Variants in KIF1A observed in about 807,000 individuals in gnomAD.
The protein encoded by KIF1A is kinesin-like protein KIF1A.
A neutral mutation model predicts 227.3 loss-of-function variants in KIF1A; 46 were observed. That is an observed-to-expected ratio of 0.20 (90% CI 0.16 to 0.26). The LOEUF (loss-of-function observed/expected upper bound fraction) is 0.26. Ranked by LOEUF, KIF1A falls within the 10% of genes least tolerant of loss-of-function variation. The pLI, the probability that KIF1A is intolerant of heterozygous loss-of-function variation, is 1.00. For synonymous variants in KIF1A, 1,022 were observed against 1,012.8 expected (o/e 1.01, Z -0.17); for missense variants, 1,683 against 2,485.9 (o/e 0.68, Z 6.87).
rs2055880472 is a variant in KIF1A at position 240,792,792 on chromosome 2, C to A, written c.107-3480G>T. Among the ~76,000 whole-genome samples, 1 of 152,146 alleles carries A rather than the reference C, an allele frequency of 6.6e-6. No homozygotes were observed. The highest frequency in any genetic ancestry group is 6.5e-5 in the Admixed American group (1 of 15,286). ...GAGACGAAGCCACGAAGTCAGGGAC[C>A]TCATGGTGGGATGAGTGGCTTTAAA... On this transcript the variant is annotated intron_variant, in intron 2 of 48. Transcript: ENST00000498729. The surrounding 1 kb of genome is among the most constrained non-coding windows in gnomAD (Gnocchi z 4.5).
rs1246878353 is a variant in KIF1A, at chr2:240,788,246, G to A, written c.184-16C>T. The A allele has an allele frequency of 1.2e-6, 2 of 1,612,854 alleles. No homozygotes were observed. Among genetic ancestry groups the A allele is most frequent in the South Asian group, 1.1e-5 (1 of 90,844 alleles). Reference sequence around the variant, plus strand: ...TGTCCTCAGGCTGGAGGACGAGGAAGGAATGAAGTTGCAGGAGGCTGGGTG... The same window carrying A: ...TGTCCTCAGGCTGGAGGACGAGGAAAGAATGAAGTTGCAGGAGGCTGGGTG... On this transcript the variant is annotated splice_polypyrimidine_tract_variant and intron_variant, in intron 3 of 48. Transcript: ENST00000498729. The surrounding 1 kb of genome is among the most constrained non-coding windows in gnomAD (Gnocchi z 6.6).
At chr2:240,746,645 C>T (rs1413663257) in intron 29 of KIF1A, among the ~76,000 whole-genome samples, 1 of 152,180 alleles carries the variant, frequency 6.6e-6, no homozygotes, top group Non-Finnish European at 1.5e-5. Context: ...GCCAGGTGGG[C>T]AGGGGTGAGA....
At chr2:240,765,833 G>A in intron 19 of KIF1A, 40 bp from the exon 20 acceptor site, 2 of 1,504,320 alleles carry the variant, frequency 1.3e-6, no homozygotes, top group Non-Finnish European at 1.8e-6. Flanking sequence ...AGGACTATGA[G>A]GGGCTGTCAC....
chr2:240,810,188 G>A (rs754929779), intron 1 of KIF1A, among the ~76,000 whole-genome samples: 1 of 152,010 alleles, frequency 6.6e-6, no homozygotes, highest in African/African-American at 2.4e-5. Flanking sequence ...AAACGGTGAC[G>A]AGAACCCCAC....
At chr2:240,779,386 AGTTCCACACTCAGTTCCTCATC>A (rs2053263633) in intron 10 of KIF1A, among the ~76,000 whole-genome samples, 1 of 143,940 alleles carries the variant, frequency 6.9e-6, no homozygotes, top group Non-Finnish European at 1.5e-5. Flanking sequence ...AGTTCCTCAT[AGTTCCACACTCAGTTCCTCATC>A]GTTCCACACT....
At chr2:240,760,007 C>A (rs1575585860) in intron 25 of KIF1A, among the ~76,000 whole-genome samples, 1 of 151,288 alleles carries the variant, frequency 6.6e-6, no homozygotes, top group South Asian at 2.1e-4. Flanking sequence ...CAGAGCAAGG[C>A]CCTGTCTCTT....
intron 14 of KIF1A, among the ~76,000 whole-genome samples, chr2:240,772,111 G>A (rs1395868846): frequency 6.6e-6 from 1 of 152,216 alleles, no homozygotes; most frequent in Non-Finnish European, 1.5e-5. Flanking sequence ...GAGGGCCTGG[G>A]CGTGGGGGGT....
chr2:240,781,733 C>T (rs1246587327), intron 10 of KIF1A: 1 of 974,512 alleles, frequency 1.0e-6, no homozygotes, highest in Non-Finnish European at 1.2e-6. Flanking sequence ...CTTCCTCTCC[C>T]GTTCCCACAC....
chr2:240,780,760 C>CACAGCTCCACACACACACACA (rs1559522279), intron 10 of KIF1A, among the ~76,000 whole-genome samples: 7 of 138,126 alleles, frequency 5.1e-5, no homozygotes, highest in African/African-American at 2.0e-4. Flanking sequence ...TGCAGGCTCC[C>CACAGCTCCACACACACACACA]CACACAGCTC....
At chr2:240,818,391 G>A (rs1003189390) in intron 1 of KIF1A, among the ~76,000 whole-genome samples, 1 of 152,268 alleles carries the variant, frequency 6.6e-6, no homozygotes, top group African/African-American at 2.4e-5. Context: ...CCGGTCCAGA[G>A]GGTTCCTGGG....
chr2:240,786,398 G>C lies in KIF1A; in HGVS notation c.545C>G (p.Ser182Cys). Residue 182 changes from serine to cysteine, a missense_variant, in exon 6 of 49, where the codon TCC (serine) becomes TGC (cysteine). By Grantham distance (112) the Ser-to-Cys change is moderately radical. This residue lies in a region of KIF1A where 75 missense variants were observed against 131.2 expected (regional missense o/e 0.57). Coordinates refer to ENST00000498729, the MANE Select transcript of KIF1A (RefSeq NM_001244008.2). Reference protein sequence around the residue: ...PLLGPYVEDLSKLAVTSYNDI... With the variant: ...PLLGPYVEDLCKLAVTSYNDI... ...ATTGTAGGAGGTGACAGCCAGCTTG[G>C]AGAGGTCCTCCACGTAGGGCCCCAG... 6.2e-7 allele frequency: 1 copy of C among 1,613,694 alleles called. No homozygotes were observed. The highest frequency in any genetic ancestry group is 8.5e-7 in the Non-Finnish European group (1 of 1,179,782).
chr2:240,758,282 C>T lies in KIF1A; in HGVS notation c.2582+78G>A, dbSNP rs895111559. ...TGTCAGGGCCGCTCCTTGTATCAGG[C>T]CAGGGCCCACTCCTACCCCCACTGC... On this transcript the variant is annotated intron_variant, in intron 26 of 48. Transcript: ENST00000498729. The surrounding 1 kb of genome is among the most constrained non-coding windows in gnomAD (Gnocchi z 5.2). 1.5e-5 allele frequency: 22 copies of T among 1,504,664 alleles called. No individual in the cohort carries two copies. In the African/African-American group the frequency reaches 2.9e-4, roughly 20 times the overall value. 93.2% of individuals were successfully genotyped at this position (1,504,664 alleles called of 1,614,324 possible).
chr2:240,788,680 G>A lies in KIF1A; in HGVS notation c.184-450C>T, dbSNP rs183651079. Among the ~76,000 whole-genome samples, 43 of 152,204 alleles carry A rather than the reference G, an allele frequency of 2.8e-4. No homozygotes were observed. Among genetic ancestry groups the A allele is most frequent in the Non-Finnish European group, 6.0e-4 (41 of 68,002 alleles). On this transcript the variant is annotated intron_variant, in intron 3 of 48. Transcript: ENST00000498729. This position sits in a 1 kb window ranked among gnomAD's most constrained non-coding sequence, Gnocchi z 6.6. The stretch of plus-strand genomic sequence containing the variant: ...AGGGGGACAGGGTGATTAGCTGGGG[G>A]TCATCCTGGAAGGAGGAAGGACTGG...
chr2:240,816,620 G>A (rs1176702563), intron 1 of KIF1A, among the ~76,000 whole-genome samples: 3 of 152,286 alleles, frequency 2.0e-5, no homozygotes, highest in Admixed American at 1.3e-4. Flanking sequence ...CCAGGGCTGG[G>A]CCTGCCCAGA....
chr2:240,807,200 C>T (rs1295342340), intron 1 of KIF1A, among the ~76,000 whole-genome samples: 1 of 150,332 alleles, frequency 6.7e-6, no homozygotes, highest in Non-Finnish European at 1.5e-5. Flanking sequence ...GGCTGGAGTG[C>T]AATGGTGTGA....
At chr2:240,770,779 C>T (rs372954055) in intron 15 of KIF1A, among the ~76,000 whole-genome samples, 192 bp downstream of exon 15, 109 of 152,208 alleles carry the variant, frequency 7.2e-4, no homozygotes, top group African/African-American at 2.5e-3. Context: ...AACTGGCTGC[C>T]TTGGCTGCTG....
Position 240,778,511 on chromosome 2 carries a change from T to TACACACACACACAC in KIF1A, c.883-2599_883-2586dup, listed in dbSNP as rs60462300. On this transcript the variant is annotated intron_variant, in intron 10 of 48. Transcript: ENST00000498729. This position sits in a 1 kb window ranked among gnomAD's most constrained non-coding sequence, Gnocchi z 7.2. ...GGCGCTCGCAGCTCCCGCACAGCGT[T>TACACACACACACAC]ACACACACACACACACACACACACA... Among the ~76,000 whole-genome samples, 2,756 of 134,128 alleles carry TACACACACACACAC rather than the reference T, an allele frequency of 0.021. 53 individuals are homozygous for TACACACACACACAC. Among genetic ancestry groups the TACACACACACACAC allele is most frequent in the Middle Eastern group, 0.053 (14 of 266 alleles). The allele number at this position is 134,128 out of a possible 152,430, so 88.0% of individuals were successfully genotyped here.
intron 1 of KIF1A, among the ~76,000 whole-genome samples, chr2:240,818,110 C>T (rs999060096): frequency 3.3e-5 from 5 of 152,196 alleles, no homozygotes. Flanking sequence ...CAGCAGACAT[C>T]TTGCAGGCCC....
intron 15 of KIF1A, among the ~76,000 whole-genome samples, chr2:240,770,710 C>T (rs1006659936): frequency 4.6e-5 from 7 of 152,194 alleles, no homozygotes; most frequent in East Asian, 3.9e-4. Flanking sequence ...GTCCTGCAGG[C>T]GCATTTCCTG....
Sources: allele counts gnomAD v4.1 joint callset (sites outside exome capture counted in the v4.1 genomes callset), GRCh38; gene constraint gnomAD v4.1.1; regional missense constraint gnomAD v4.1.1; non-coding constraint Gnocchi (gnomAD v3.1); transcripts MANE v1.5; gene names NCBI Gene and HGNC (gene_info 2026-07-23, HGNC 2026-07-21).